The following NAV1 variants were observed in gnomAD, a reference collection of about 807,000 sequenced individuals.
NAV1 encodes neuron navigator 1, also known as pore membrane and/or filament interacting like protein 3.
A neutral mutation model predicts 175.2 loss-of-function variants in NAV1; 18 were observed. That is an observed-to-expected ratio of 0.10 (90% CI 0.07 to 0.15). The LOEUF (loss-of-function observed/expected upper bound fraction) is 0.15, where lower values mean the gene tolerates loss of function less well. NAV1 is among the 10% of genes least tolerant of loss of function. The probability of loss-of-function intolerance (pLI) is 1.00; values close to 1 mark genes in which losing one functional copy is unlikely to be tolerated. For synonymous variants in NAV1, 897 were observed against 978.7 expected (o/e 0.92, Z 1.56); for missense variants, 1,731 against 2,436.6 (o/e 0.71, Z 6.10).
upstream of NAV1, among the ~76,000 whole-genome samples, chr1:201,621,513 G>A (rs1285362430): frequency 6.6e-6 from 1 of 151,114 alleles, no homozygotes; most frequent in Non-Finnish European, 1.5e-5. Context: ...TGTATTTTTA[G>A]TAGAGACGGG....
chr1:201,716,786 G>A (rs1177461591), intron 2 of NAV1, among the ~76,000 whole-genome samples: 1 of 152,246 alleles, frequency 6.6e-6, no homozygotes, highest in Non-Finnish European at 1.5e-5. Flanking sequence ...GCTGAGGCAG[G>A]AGGGTCACTT....
At chr1:201,777,476 G>C (rs1346194225) in intron 3 of NAV1, among the ~76,000 whole-genome samples, 4 of 151,484 alleles carry the variant, frequency 2.6e-5, no homozygotes, top group South Asian at 4.1e-4. Flanking sequence ...TTTGTTTGTA[G>C]TGACAGAGGT....
chr1:201,817,669 T>G (rs1679137457), intron 29 of NAV1, among the ~76,000 whole-genome samples: 1 of 152,130 alleles, frequency 6.6e-6, no homozygotes, highest in South Asian at 2.1e-4. Context: ...CAAGATGTAT[T>G]CTAGCAAAGA....
rs565546768 is a variant in NAV1 at position 201,650,809 on chromosome 1, C to A, written c.757+1384C>A. On this transcript the variant is annotated intron_variant, in intron 1 of 29. Coordinates refer to ENST00000367296, the Ensembl canonical transcript of NAV1. ...TTGCAGGGGCAATCAGGAGACTGGA[C>A]AAGGGCAAAAGAAGAGCAGCCTTTT... Among the ~76,000 whole-genome samples the A allele has an allele frequency of 4.0e-3, 605 of 152,234 alleles. 1 individual carries two copies. Among genetic ancestry groups the A allele is most frequent in the Admixed American group, 6.3e-3 (97 of 15,300 alleles).
intron 2 of NAV1, among the ~76,000 whole-genome samples, chr1:201,591,664 C>A (rs1486217614): frequency 1.3e-5 from 2 of 152,180 alleles, no homozygotes; most frequent in East Asian, 3.9e-4. Context: ...CCACCCTGGG[C>A]CCCACCCCAG....
At chr1:201,635,554 C>T (rs1450814098) in intron 2 of NAV1, among the ~76,000 whole-genome samples, 1 of 152,132 alleles carries the variant, frequency 6.6e-6, no homozygotes, top group Non-Finnish European at 1.5e-5. Context: ...TGTCTCCCAC[C>T]CTAAGGAGCA....
At chr1:201,621,568 G>T (rs1189236437), upstream of NAV1, among the ~76,000 whole-genome samples, 3 of 151,892 alleles carry the variant, frequency 2.0e-5, no homozygotes, top group Non-Finnish European at 4.4e-5. Flanking sequence ...CTGACTTCAG[G>T]TGATCCACCT....
At chr1:201,720,680 G>C (rs567285468) in intron 3 of NAV1, among the ~76,000 whole-genome samples, 97 of 152,370 alleles carry the variant, frequency 6.4e-4, no homozygotes, top group African/African-American at 2.1e-3. Flanking sequence ...GCAGATAACA[G>C]TAGAACTTAT....
At chr1:201,699,558 A>G (rs1273066001) in intron 1 of NAV1, among the ~76,000 whole-genome samples, 2 of 152,230 alleles carry the variant, frequency 1.3e-5, no homozygotes, top group Non-Finnish European at 2.9e-5. Flanking sequence ...CCAAGCTACC[A>G]ATGACTTTCT....
At chr1:201,770,960 A>G (rs1017570232) in intron 3 of NAV1, among the ~76,000 whole-genome samples, 1 of 152,144 alleles carries the variant, frequency 6.6e-6, no homozygotes, top group African/African-American at 2.4e-5. Flanking sequence ...GCAGGAGGGT[A>G]GAGAAAGACC....
In NAV1 at chr1:201,599,144, A is replaced by G. The variant is rs548925204; in HGVS notation, c.-33+10495A>G. On this transcript the variant is annotated intron_variant, in intron 2 of 33. Transcript: ENST00000685211. ...CTTAGCTGGCCAGGTTGGGCCCCCC[A>G]GGAGGCAAAACCCTGCAAGGAGAAC... Among the ~76,000 whole-genome samples the G allele has an allele frequency of 3.3e-5, 5 of 152,302 alleles. No individual in the cohort carries two copies. The South Asian group carries it at 6.2e-4, about 19-fold the overall frequency.
chr1:201,542,571 G>C lies in NAV1; in HGVS notation c.-144+3229G>C, dbSNP rs975344751. Among the ~76,000 whole-genome samples, 3 of 151,966 alleles carry C rather than the reference G, an allele frequency of 2.0e-5. No homozygotes were observed. The South Asian group carries it at 6.2e-4, about 32-fold the overall frequency. On this transcript the variant is annotated intron_variant, in intron 1 of 33. Coordinates refer to the NAV1 transcript ENST00000685211. ...GGCTGACTCAGGCCTGATTTCCTCC[G>C]AGAGGCCTGCGATTTTGCTTCCCAG...
chr1:201,568,886 G>A (rs764977108), intron 1 of NAV1, among the ~76,000 whole-genome samples: 10 of 146,768 alleles, frequency 6.8e-5, no homozygotes, highest in African/African-American at 2.5e-4. Context: ...AGAAGTTTGC[G>A]GGGGTCCTCT....
chr1:201,648,444 CT>C lies in NAV1; in HGVS notation c.-220del, dbSNP rs147742013. On this transcript the variant is annotated 5_prime_UTR_variant, in exon 1 of 30. Transcript: ENST00000367296. The stretch of plus-strand genomic sequence containing the variant: ...CGCTCCCCGGCTTCCCTGCTCTTTC[CT>C]TTTTCCCGGCTTCCTTCCTCGCGTT... The C allele has an allele frequency of 0.012, 15,231 of 1,231,436 alleles. 889 individuals are homozygous for C. The African/African-American group carries it at 0.16, about 13-fold the overall frequency. The allele number at this position is 1,231,436 out of a possible 1,614,324, so 76.3% of individuals were successfully genotyped here.
At position 201,539,777 on chromosome 1, in the gene NAV1, G is replaced by A. The variant is rs1180342259; in HGVS notation, c.-144+435G>A. Reference sequence around the variant, plus strand: ...ACCCGCACCTCTGCCTTTCGTTGAAGCAAGAGTTAACTCCTCCCATCCCAG... The same window carrying A: ...ACCCGCACCTCTGCCTTTCGTTGAAACAAGAGTTAACTCCTCCCATCCCAG... On this transcript the variant is annotated intron_variant, in intron 1 of 33. Transcript: ENST00000685211. This position sits in a 1 kb window ranked among gnomAD's most constrained non-coding sequence, Gnocchi z 5.6. Among the ~76,000 whole-genome samples, 1 of 152,188 alleles carries A rather than the reference G, an allele frequency of 6.6e-6. No individual in the cohort carries two copies. Among genetic ancestry groups the A allele is most frequent in the African/African-American group, 2.4e-5 (1 of 41,448 alleles).
rs78656030 is a variant in NAV1 at position 201,568,407 on chromosome 1, G to A, written c.-143-20132G>A. On this transcript the variant is annotated intron_variant, in intron 1 of 33. Transcript: ENST00000685211. ...ATTGCCACTGCCATCACCGCTTCCC[G>A]GGGCTGCGTCCTGAATTCTTGTTGG... Among the ~76,000 whole-genome samples, 504 of 152,214 alleles carry A rather than the reference G, an allele frequency of 3.3e-3. 1 individual carries two copies. The highest frequency in any genetic ancestry group is 0.011 in the African/African-American group (445 of 41,532).
intron 1 of NAV1, among the ~76,000 whole-genome samples, chr1:201,711,262 G>A (rs1372815828): frequency 1.3e-5 from 2 of 152,224 alleles, no homozygotes; most frequent in Non-Finnish European, 2.9e-5. Flanking sequence ...AGAGGATGTG[G>A]GGGTGGAGAA....
At chr1:201,574,150 G>A (rs1666627030) in intron 1 of NAV1, among the ~76,000 whole-genome samples, 1 of 152,114 alleles carries the variant, frequency 6.6e-6, no homozygotes, top group East Asian at 1.9e-4. Flanking sequence ...GGACTGGGCT[G>A]GGTACAAGGG....
At chr1:201,725,502 G>A (rs535945506) in intron 3 of NAV1, among the ~76,000 whole-genome samples, 1 of 152,220 alleles carries the variant, frequency 6.6e-6, no homozygotes, top group East Asian at 1.9e-4. Context: ...CCTGGGCATG[G>A]CAGCACGTGC....
Sources: gnomAD v4.1 joint callset for allele counts (sites outside exome capture counted in the v4.1 genomes callset) on GRCh38, gnomAD v4.1.1 for gene constraint, Gnocchi (gnomAD v3.1) non-coding constraint, MANE v1.5 for transcripts, NCBI Gene and HGNC (gene_info 2026-07-23, HGNC 2026-07-21) for gene names.